The following SORCS2 variants were observed in gnomAD, a reference collection of about 807,000 sequenced individuals.
SORCS2 encodes VPS10 domain-containing receptor SorCS2.
SORCS2 carries 100 observed loss-of-function variants against 141.6 expected under a neutral mutation model. That is an observed-to-expected ratio of 0.71 (90% CI 0.60 to 0.83). The LOEUF (loss-of-function observed/expected upper bound fraction) is 0.83, where lower values mean the gene tolerates loss of function less well. Ranked by LOEUF, SORCS2 falls within the 40% of genes least tolerant of loss-of-function variation. The pLI is 0.00. For synonymous variants in SORCS2, 789 were observed against 676.9 expected (o/e 1.17, Z -2.57); for missense variants, 1,646 against 1,560.2 (o/e 1.05, Z -0.93).
rs1200716062 is a variant in SORCS2 at position 7,714,325 on chromosome 4, C to T, written c.2075C>T (p.Ser692Leu). Residue 692 changes from serine (S) to leucine (L), a missense_variant, in exon 16 of 27, where the codon TCG (serine) becomes TTG (leucine). Transcript: ENST00000507866. ...TGCATCAAGGGGAGGAGCTTCACGTCGGCGCTCACGTCCCGCGTGTGCGAG... is the reference window on the plus strand; with the variant it reads ...TGCATCAAGGGGAGGAGCTTCACGTTGGCGCTCACGTCCCGCGTGTGCGAG... ...SWCIKGRSFT[S>L]ALTSRVCECR... 4.4e-6 allele frequency: 7 copies of T among 1,582,754 alleles called. No homozygotes were observed. The highest frequency in any genetic ancestry group is 6.0e-6 in the Non-Finnish European group (7 of 1,164,170).
rs187366548 is a variant in SORCS2, at chr4:7,513,119, G to A, written c.549-18411G>A. ...CAGGTACCCCTGCCTCACACTACTCGCTGTGGGATTCTGTGCAAGTCCTTT... is the reference window on the plus strand; with the variant it reads ...CAGGTACCCCTGCCTCACACTACTCACTGTGGGATTCTGTGCAAGTCCTTT... On this transcript the variant is annotated intron_variant, in intron 2 of 26. Transcript: ENST00000507866. 2.1e-3 allele frequency among the ~76,000 whole-genome samples: 324 copies of A among 152,262 alleles called. 1 individual carries two copies. The highest frequency in any genetic ancestry group is 7.4e-3 in the African/African-American group (306 of 41,546).
chr4:7,299,423 G>A (rs560304287), intron 1 of SORCS2, among the ~76,000 whole-genome samples: 1 of 152,320 alleles, frequency 6.6e-6, no homozygotes, highest in East Asian at 1.9e-4. Flanking sequence ...TTTCTGTATG[G>A]ATCGCATGGC....
rs537500554 is a variant in SORCS2, at chr4:7,725,183, G to A, written c.2641G>A (p.Val881Ile). 9.2e-5 allele frequency: 148 copies of A among 1,613,524 alleles called. 1 individual carries two copies. In the East Asian group the frequency reaches 3.3e-3, roughly 35 times the overall value. ...SPLQALYLEV[V>I]PVIGLNQEVN... ...CCTGCAGGCCCTCTACCTGGAGGTG[G>A]TTCCTGTCATTGGCCTCAACCAGGA... Residue 881 changes from valine (V) to isoleucine (I), a missense_variant, in exon 20 of 27, where the codon GTT becomes ATT. By Grantham distance (29) the Val-to-Ile change is conservative. Coordinates refer to ENST00000507866, the MANE Select transcript of SORCS2 (RefSeq NM_020777.3).
chr4:7,676,824 T>TCTCCCTCTCCCTCTCC (rs1553902878), intron 9 of SORCS2, among the ~76,000 whole-genome samples: 1 of 49,078 alleles, frequency 2.0e-5, no homozygotes, highest in Non-Finnish European at 3.9e-5. Flanking sequence ...TCTCTCTCTC[T>TCTCCCTCTCCCTCTCC]CTCTCCCTCT....
intron 9 of SORCS2, among the ~76,000 whole-genome samples, chr4:7,679,186 G>T (rs1021625857): frequency 2.6e-5 from 4 of 152,140 alleles, no homozygotes; most frequent in South Asian, 4.2e-4. Context: ...GGCTGCAGGG[G>T]TCTCTCCCCC....
At chr4:7,268,307 C>T (rs530546966) in intron 1 of SORCS2, among the ~76,000 whole-genome samples, 3 of 152,214 alleles carry the variant, frequency 2.0e-5, no homozygotes, top group Admixed American at 2.0e-4. Context: ...AGTTTTTCAA[C>T]CCTTTACCTT....
chr4:7,429,458 A>C (rs1726677080), intron 2 of SORCS2, among the ~76,000 whole-genome samples: 1 of 152,254 alleles, frequency 6.6e-6, no homozygotes, highest in South Asian at 2.1e-4. Context: ...GTACTCTGGG[A>C]AAGTGAATCT....
chr4:7,508,960 C>T (rs950758365), intron 2 of SORCS2, among the ~76,000 whole-genome samples: 3 of 152,132 alleles, frequency 2.0e-5, no homozygotes, highest in African/African-American at 4.8e-5. Flanking sequence ...AAGGGTGGCT[C>T]GGGAGATGCA....
At chr4:7,571,817 G>A (rs1433693830) in intron 3 of SORCS2, among the ~76,000 whole-genome samples, 1 of 152,206 alleles carries the variant, frequency 6.6e-6, no homozygotes, top group Admixed American at 6.5e-5. Context: ...CATCAGCGAT[G>A]AAAAAGGACA....
chr4:7,629,525 C>G (rs527933906), intron 3 of SORCS2, among the ~76,000 whole-genome samples: 10 of 152,144 alleles, frequency 6.6e-5, no homozygotes, highest in African/African-American at 2.4e-4. Context: ...GCTGAAGCCC[C>G]TCACCCCTGG....
At chr4:7,555,981 G>A (rs941892165) in intron 3 of SORCS2, among the ~76,000 whole-genome samples, 1 of 152,242 alleles carries the variant, frequency 6.6e-6, no homozygotes, top group Non-Finnish European at 1.5e-5. Flanking sequence ...GTGGGTAAGA[G>A]TCCTGGAAAC....
At chr4:7,305,448 A>T (rs768102445) in intron 1 of SORCS2, among the ~76,000 whole-genome samples, 2 of 150,712 alleles carry the variant, frequency 1.3e-5, no homozygotes, top group Admixed American at 6.6e-5. Context: ...AAAAGTGGAG[A>T]CATGGCGTGG....
chr4:7,601,104 C>T (rs1277787587), intron 3 of SORCS2, among the ~76,000 whole-genome samples: 1 of 152,154 alleles, frequency 6.6e-6, no homozygotes, highest in Non-Finnish European at 1.5e-5. Context: ...TGGTCTCGAA[C>T]TCCTGACCTA....
intron 4 of SORCS2, among the ~76,000 whole-genome samples, chr4:7,640,749 C>T (rs1410924606): frequency 6.6e-6 from 1 of 152,026 alleles, no homozygotes; most frequent in Non-Finnish European, 1.5e-5. Context: ...AACCTCTGCC[C>T]AACAGGAGGT....
rs540500465 is a variant in SORCS2 at position 7,712,948 on chromosome 4, G to A, written c.1989+95G>A. ...CAAAGTCCTCCCCTGCAAGGCCGCA[G>A]GGCACCTCCCCGCCTCCAAGAAGTC... On this transcript the variant is annotated intron_variant, in intron 15 of 26. Transcript: ENST00000507866. 16 of 1,523,058 alleles carry A rather than the reference G, an allele frequency of 1.1e-5. No homozygotes were observed. In the East Asian group the frequency reaches 3.8e-4, roughly 36 times the overall value. The allele number at this position is 1,523,058 out of a possible 1,614,324, so 94.3% of individuals were successfully genotyped here.
At chr4:7,276,055 C>T (rs1715478970) in intron 1 of SORCS2, among the ~76,000 whole-genome samples, 1 of 152,190 alleles carries the variant, frequency 6.6e-6, no homozygotes, top group South Asian at 2.1e-4. Flanking sequence ...GGGGCAGTTT[C>T]TGCCAGTTAC....
At chr4:7,609,338 C>T (rs975350319) in intron 3 of SORCS2, among the ~76,000 whole-genome samples, 1 of 152,140 alleles carries the variant, frequency 6.6e-6, no homozygotes, top group Admixed American at 6.5e-5. Flanking sequence ...CTGTTAGCAC[C>T]GTTTCTCTTC....
chr4:7,400,335 C>CA (rs1423767490), intron 2 of SORCS2, among the ~76,000 whole-genome samples: 1 of 152,182 alleles, frequency 6.6e-6, no homozygotes, highest in Non-Finnish European at 1.5e-5. Flanking sequence ...TCCTGCCCCC[C>CA]ATTCAGTCTC....
intron 2 of SORCS2, chr4:7,434,130 C>G: frequency 1.2e-6 from 2 of 1,613,376 alleles, no homozygotes; most frequent in Non-Finnish European, 1.7e-6. Flanking sequence ...AGAATCCCCC[C>G]TTCCTGCAGA....
Sources: allele counts gnomAD v4.1 joint callset (sites outside exome capture counted in the v4.1 genomes callset), GRCh38; gene constraint gnomAD v4.1.1; transcripts MANE v1.5; gene names NCBI Gene and HGNC (gene_info 2026-07-23, HGNC 2026-07-21).